Variants in PID1 observed in about 807,000 individuals in gnomAD.
PID1 encodes the protein phosphotyrosine interaction domain containing 1.
In PID1, 10 loss-of-function variants were observed where a neutral mutation model predicts 19.1. The ratio of observed to expected loss-of-function variants is 0.52; its 90% CI spans 0.32 to 0.89. The LOEUF is 0.89. Ranked by LOEUF, PID1 falls within the 40% of genes least tolerant of loss-of-function variation. PID1 has a pLI of 0.03. For missense variants in PID1, 248 were observed against 285.3 expected, an observed-to-expected ratio of 0.87 and a Z score of 0.94; for synonymous variants, 130 against 116.0, an observed-to-expected ratio of 1.12 and a Z score of -0.78.
intron 1 of PID1, among the ~76,000 whole-genome samples, chr2:229,169,792 C>G (rs1690674055): frequency 6.6e-6 from 1 of 152,168 alleles, no homozygotes; most frequent in Non-Finnish European, 1.5e-5. Context: ...CCCTGCAACT[C>G]TCTGTAGGAA....
At chr2:229,238,819 T>A (rs1454086230) in intron 1 of PID1, among the ~76,000 whole-genome samples, 1 of 152,020 alleles carries the variant, frequency 6.6e-6, no homozygotes, top group Admixed American at 6.6e-5. Context: ...CAAACCAGCA[T>A]CATCATCAAG....
intron 1 of PID1, among the ~76,000 whole-genome samples, chr2:229,196,665 G>A (rs1412355402): frequency 6.6e-6 from 1 of 151,988 alleles, no homozygotes; most frequent in East Asian, 1.9e-4. Flanking sequence ...GGGAATGCAG[G>A]GCAGACTTTG....
chr2:229,163,984 A>G (rs761816630), intron 1 of PID1, among the ~76,000 whole-genome samples: 21 of 152,156 alleles, frequency 1.4e-4, no homozygotes, highest in Admixed American at 1.3e-3. Flanking sequence ...GCTGAAATCT[A>G]TATTTCCATG....
chr2:229,202,798 T>G (rs1413829290), intron 1 of PID1, among the ~76,000 whole-genome samples: 1 of 152,118 alleles, frequency 6.6e-6, no homozygotes, highest in Non-Finnish European at 1.5e-5. Flanking sequence ...CAATAGGATT[T>G]CATCACACTG....
intron 2 of PID1, among the ~76,000 whole-genome samples, chr2:229,148,680 AAGG>A (rs1690185611): frequency 6.6e-6 from 1 of 151,724 alleles, no homozygotes; most frequent in African/African-American, 2.4e-5. Context: ...AGTAGAAAAG[AAGG>A]AGGAAGAGAG....
intron 1 of PID1, among the ~76,000 whole-genome samples, chr2:229,164,140 C>G (rs914505181): frequency 2.0e-5 from 3 of 152,188 alleles, no homozygotes; most frequent in African/African-American, 7.2e-5. Flanking sequence ...TGCCAACTTT[C>G]TCGTTTATAC....
At chr2:229,031,962 T>C (rs1020877538) in intron 2 of PID1, among the ~76,000 whole-genome samples, 45 of 152,242 alleles carry the variant, frequency 3.0e-4, no homozygotes, top group Non-Finnish European at 2.4e-4. Flanking sequence ...AAAAGTGAAC[T>C]TCCCTCTTTA....
In PID1 at chr2:229,262,908, A is replaced by G. The variant is rs1690498381; in HGVS notation, c.30+8106T>C. On this transcript the variant is annotated intron_variant, in intron 1 of 2. Coordinates refer to ENST00000392055, the MANE Select transcript of PID1 (RefSeq NM_001100818.2). ...GCAAATCTCTCCTTATAAGGACATT[A>G]GTCATTGGCTCTAGGGTTCACCCTA... 7 of 1,489,662 alleles carry G rather than the reference A, an allele frequency of 4.7e-6. No individual in the cohort carries two copies. The African/African-American group carries it at 9.8e-5, about 21-fold the overall frequency. 92.3% of individuals were successfully genotyped at this position (1,489,662 alleles called of 1,614,324 possible).
At chr2:229,124,443 G>C (rs897357193) in intron 2 of PID1, among the ~76,000 whole-genome samples, 2 of 152,120 alleles carry the variant, frequency 1.3e-5, no homozygotes, top group African/African-American at 4.8e-5. Context: ...ATAACACTAA[G>C]AGGTTATCTT....
intron 2 of PID1, among the ~76,000 whole-genome samples, chr2:229,110,688 A>G (rs912775860): frequency 1.3e-5 from 2 of 152,228 alleles, no homozygotes; most frequent in Non-Finnish European, 2.9e-5. Flanking sequence ...TATATGCTAT[A>G]TATGATAATA....
chr2:229,237,600 G>A (rs1378933129), intron 1 of PID1, among the ~76,000 whole-genome samples: 4 of 152,178 alleles, frequency 2.6e-5, no homozygotes, highest in Non-Finnish European at 4.4e-5. Context: ...AAGGGAAAGG[G>A]ACCTAGGTAG....
At chr2:229,078,136 C>T (rs545180) in intron 2 of PID1, among the ~76,000 whole-genome samples, 72,776 of 152,000 alleles carry the variant, frequency 0.48, 19,427 homozygotes, top group Non-Finnish European at 0.6. Context: ...AAGTTGTATT[C>T]CTACGTATTT....
Position 229,200,405 on chromosome 2 carries a change from C to T in PID1, c.31-44441G>A, listed in dbSNP as rs543017295. On this transcript the variant is annotated intron_variant, in intron 1 of 2. Transcript: ENST00000392055. ...AAAAAACAGTATGTGGCTGAAGTAACATTAATACGGGCCCCATGCCATTTA... is the reference window on the plus strand; with the variant it reads ...AAAAAACAGTATGTGGCTGAAGTAATATTAATACGGGCCCCATGCCATTTA... 2.6e-5 allele frequency among the ~76,000 whole-genome samples: 4 copies of T among 152,092 alleles called. No homozygotes were observed. The East Asian group carries it at 7.8e-4, about 29-fold the overall frequency.
intron 2 of PID1, among the ~76,000 whole-genome samples, chr2:229,125,040 A>G (rs910730550): frequency 6.6e-6 from 1 of 152,192 alleles, no homozygotes; most frequent in African/African-American, 2.4e-5. Flanking sequence ...CTATTTACCA[A>G]TATCGAGGTC....
intron 2 of PID1, among the ~76,000 whole-genome samples, chr2:229,147,604 T>A (rs556738394): frequency 1.3e-5 from 2 of 152,120 alleles, no homozygotes; most frequent in Non-Finnish European, 2.9e-5. Flanking sequence ...ATATTTTCCA[T>A]ATCAATATAA....
intron 2 of PID1, among the ~76,000 whole-genome samples, chr2:229,119,104 A>G (rs1380605696): frequency 6.6e-6 from 1 of 152,228 alleles, no homozygotes; most frequent in African/African-American, 2.4e-5. Flanking sequence ...GCCATTGGCC[A>G]GGGAGCTTGA....
At chr2:229,138,542 T>G (rs970200359) in intron 2 of PID1, among the ~76,000 whole-genome samples, 3 of 152,082 alleles carry the variant, frequency 2.0e-5, no homozygotes, top group South Asian at 2.1e-4. Context: ...TGTGGTCTCA[T>G]GGTGTATAAT....
Position 229,025,712 on chromosome 2 carries a change from T to C in PID1, c.574A>G (p.Ser192Gly), listed in dbSNP as rs754405826. The change falls in exon 3 of 3, where the codon AGT becomes GGT. Residue 192 changes from serine (S) to glycine (G), a missense_variant. Transcript: ENST00000392055. ...TGGATCCGCCCGTCGCTCTTCATAC[T>C]GTGGAAAGTCTTCCTGAAGGCCTCC... ...MMEAFRKTFH[S>G]MKSDGRIHSN... 2.7e-5 allele frequency: 44 copies of C among 1,614,120 alleles called. No individual in the cohort carries two copies. Among genetic ancestry groups the C allele is most frequent in the Non-Finnish European group, 3.4e-5 (40 of 1,180,048 alleles).
At chr2:229,092,330 G>C (rs950121793) in intron 2 of PID1, among the ~76,000 whole-genome samples, 2 of 152,202 alleles carry the variant, frequency 1.3e-5, no homozygotes, top group African/African-American at 2.4e-5. Context: ...TGAGCATAGA[G>C]AGCACTTATC....
Sources: gnomAD v4.1 joint callset for allele counts (sites outside exome capture counted in the v4.1 genomes callset) on GRCh38, gnomAD v4.1.1 for gene constraint, MANE v1.5 for transcripts, NCBI Gene and HGNC (gene_info 2026-07-23, HGNC 2026-07-21) for gene names.